The following ABI3BP variants were observed in gnomAD, a reference collection of about 807,000 sequenced individuals.
ABI3BP encodes the protein target of Nesh-SH3.
Under a neutral mutation model 268.6 loss-of-function variants are expected in ABI3BP, and 216 were observed. The ratio of observed to expected loss-of-function variants is 0.80; its 90% CI spans 0.72 to 0.90. The LOEUF is 0.90. Ranked by LOEUF, ABI3BP falls within the 40% of genes least tolerant of loss-of-function variation. The pLI, the probability that ABI3BP is intolerant of heterozygous loss-of-function variation, is 0.00. For missense variants in ABI3BP, 2,090 were observed against 2,182.4 expected (o/e 0.96, Z 0.84); for synonymous variants, 730 against 730.0 (o/e 1.00, Z 0.00).
chr3:100,890,796 C>G (rs886441013), intron 4 of ABI3BP, among the ~76,000 whole-genome samples: 8 of 152,112 alleles, frequency 5.3e-5, no homozygotes, highest in Non-Finnish European at 8.8e-5. Context: ...ATCTGTTTCT[C>G]TTGTGATCCC....
intron 1 of ABI3BP, among the ~76,000 whole-genome samples, chr3:100,934,506 G>C (rs1218287379): frequency 1.3e-5 from 2 of 152,084 alleles, no homozygotes; most frequent in African/African-American, 2.4e-5. Flanking sequence ...CCAGTAATGG[G>C]ATTGCTGGGT....
chr3:100,954,240 C>G (rs1294601068), intron 1 of ABI3BP, among the ~76,000 whole-genome samples: 2 of 151,920 alleles, frequency 1.3e-5, no homozygotes, highest in African/African-American at 4.8e-5. Context: ...GCATAATAAC[C>G]CAAAACTTGG....
Position 100,810,582 on chromosome 3 carries a change from A to G in ABI3BP, c.3542-105T>C, listed in dbSNP as rs1008572756. 9.1e-6 allele frequency: 7 copies of G among 770,810 alleles called. No homozygotes were observed. In the South Asian group the frequency reaches 1.5e-4, roughly 17 times the overall value. 47.7% of individuals were successfully genotyped at this position (770,810 alleles called of 1,614,324 possible). On this transcript the variant is annotated intron_variant, in intron 48 of 67. Transcript: ENST00000471714. Reference sequence around the variant, plus strand: ...CAAATAGATTTTTTTAAAATAAAGAAAATTGCAAGTCTGCAGCAAAACAGC... The same window carrying G: ...CAAATAGATTTTTTTAAAATAAAGAGAATTGCAAGTCTGCAGCAAAACAGC...
intron 2 of ABI3BP, chr3:100,911,853 C>A (rs533657820): frequency 6.2e-7 from 1 of 1,600,594 alleles, no homozygotes; most frequent in Non-Finnish European, 8.6e-7. Flanking sequence ...CAGCCTCTCT[C>A]TAAACGTCAT....
intron 63 of ABI3BP, among the ~76,000 whole-genome samples, chr3:100,765,550 A>C (rs2096234909): frequency 6.6e-6 from 1 of 152,184 alleles, no homozygotes; most frequent in South Asian, 2.1e-4. Context: ...ACTGGTCCAC[A>C]GACTTTTATT....
intron 1 of ABI3BP, among the ~76,000 whole-genome samples, chr3:100,992,219 C>A (rs763138311): frequency 6.6e-6 from 1 of 152,094 alleles, no homozygotes; most frequent in Non-Finnish European, 1.5e-5. Flanking sequence ...TATCAACTAG[C>A]CAACCGCTTC....
chr3:100,755,430 T>C (rs543517153), intron 63 of ABI3BP, among the ~76,000 whole-genome samples: 3 of 152,328 alleles, frequency 2.0e-5, no homozygotes, highest in African/African-American at 7.2e-5. Context: ...CACAGGATTC[T>C]ATGATGTCTC....
At chr3:100,890,513 G>A (rs916200924) in intron 4 of ABI3BP, among the ~76,000 whole-genome samples, 5 of 151,832 alleles carry the variant, frequency 3.3e-5, no homozygotes, top group African/African-American at 1.2e-4. Context: ...GATTCCTTAC[G>A]GACCTTCCCG....
At chr3:100,838,637 T>G (rs967217002) in intron 24 of ABI3BP, among the ~76,000 whole-genome samples, 173 bp from the exon 25 acceptor site, 2 of 152,162 alleles carry the variant, frequency 1.3e-5, no homozygotes, top group African/African-American at 4.8e-5. Flanking sequence ...GCATAATTAG[T>G]TTTTCCAGAA....
At chr3:100,890,579 A>G (rs370054021) in intron 4 of ABI3BP, among the ~76,000 whole-genome samples, 1 of 152,124 alleles carries the variant, frequency 6.6e-6, no homozygotes, top group Non-Finnish European at 1.5e-5. Flanking sequence ...TAAAACTAGT[A>G]CTTTTCTCTT....
chr3:100,835,586 A>G lies in ABI3BP; in HGVS notation c.2191+15T>C, dbSNP rs758797195. On this transcript the variant is annotated intron_variant, in intron 28 of 67. Transcript: ENST00000471714. ...GCAGAAAAAACTCATACTTAAAGAC[A>G]TAAGAGGTCATTACCTAATGTTGTC... is the stretch of plus-strand genomic sequence containing the variant. 3.9e-6 allele frequency: 6 copies of G among 1,527,856 alleles called. No individual in the cohort carries two copies. Among genetic ancestry groups the G allele is most frequent in the South Asian group, 3.6e-5 (3 of 83,646 alleles). 94.6% of individuals were successfully genotyped at this position (1,527,856 alleles called of 1,614,324 possible).
At chr3:100,832,230 C>A (rs1042884700) in intron 31 of ABI3BP, 34 bp downstream of exon 31, 30 of 1,521,678 alleles carry the variant, frequency 2.0e-5, no homozygotes, top group Non-Finnish European at 2.5e-5. Context: ...TGGTAGACTG[C>A]TTGGATTCTA....
At chr3:100,849,915 G>C in intron 17 of ABI3BP, 130 bp downstream of exon 17, 1 of 715,838 alleles carries the variant, frequency 1.4e-6, no homozygotes, top group Non-Finnish European at 2.4e-6. Flanking sequence ...AGAATTTCAT[G>C]GTAGAGACTG....
At chr3:100,915,198 C>CA (rs1182127746) in intron 2 of ABI3BP, among the ~76,000 whole-genome samples, 1 of 152,158 alleles carries the variant, frequency 6.6e-6, no homozygotes, top group Non-Finnish European at 1.5e-5. Flanking sequence ...GGATCAAGAT[C>CA]AAAGTGCTTT....
rs913563474 is a variant in ABI3BP at position 100,951,770 on chromosome 3, A to G, written c.80-25289T>C. Among the ~76,000 whole-genome samples, 57 of 152,102 alleles carry G rather than the reference A, an allele frequency of 3.7e-4. 2 individuals carry two copies. Among genetic ancestry groups the G allele is most frequent in the African/African-American group, 1.3e-3 (55 of 41,384 alleles). On this transcript the variant is annotated intron_variant, in intron 1 of 67. Coordinates refer to ENST00000471714, the MANE Select transcript of ABI3BP (RefSeq NM_001375547.2). ...CATTACCATCCTGAGAACTTGGAGCAGTGGTTCTCTTCTGAAAGGCTAAAC... is the reference window on the plus strand; with the variant it reads ...CATTACCATCCTGAGAACTTGGAGCGGTGGTTCTCTTCTGAAAGGCTAAAC...
At chr3:100,755,711 A>G (rs1475837990) in intron 63 of ABI3BP, among the ~76,000 whole-genome samples, 2 of 152,188 alleles carry the variant, frequency 1.3e-5, no homozygotes, top group African/African-American at 2.4e-5. Context: ...CAGTAAAGCA[A>G]TTTGCCATTT....
intron 2 of ABI3BP, among the ~76,000 whole-genome samples, chr3:100,925,700 C>T (rs894841823): frequency 2.0e-5 from 3 of 151,944 alleles, no homozygotes; most frequent in African/African-American, 7.3e-5. Context: ...AGATGTGAGA[C>T]ACTGTGCCAG....
intron 1 of ABI3BP, among the ~76,000 whole-genome samples, chr3:100,988,103 C>A (rs968752644): frequency 2.2e-4 from 33 of 152,196 alleles, no homozygotes; most frequent in Non-Finnish European, 8.8e-5. Flanking sequence ...GCACTCCTCA[C>A]CAGTATCCTG....
intron 1 of ABI3BP, among the ~76,000 whole-genome samples, chr3:100,946,399 T>G (rs568537552): frequency 6.6e-5 from 10 of 151,730 alleles, no homozygotes; most frequent in Admixed American, 4.6e-4. Flanking sequence ...TGAGATCACT[T>G]ATTTTGTTAT....
Sources: gnomAD v4.1 joint callset for allele counts (sites outside exome capture counted in the v4.1 genomes callset) on GRCh38, gnomAD v4.1.1 for gene constraint, MANE v1.5 for transcripts, NCBI Gene and HGNC (gene_info 2026-07-23, HGNC 2026-07-21) for gene names.